Variants in GALNT18 observed in about 807,000 individuals in gnomAD.
GALNT18 encodes the protein GalNAc-transferase 18.
A neutral mutation model predicts 69.5 loss-of-function variants in GALNT18; 44 were observed. The observed-to-expected ratio is 0.63, with a 90% CI of 0.50 to 0.81. The LOEUF (loss-of-function observed/expected upper bound fraction) is 0.81, where lower values mean the gene tolerates loss of function less well. Among genes scored for constraint, GALNT18 ranks in the 40% least tolerant of loss-of-function variants. GALNT18 has a pLI of 0.00. For synonymous variants in GALNT18, 364 were observed against 318.2 expected (o/e 1.14, Z -1.53); for missense variants, 715 against 810.0 (o/e 0.88, Z 1.42).
intron 10 of GALNT18, among the ~76,000 whole-genome samples, chr11:11,282,124 A>T (rs1262090332): frequency 6.6e-6 from 1 of 152,200 alleles, no homozygotes; most frequent in African/African-American, 2.4e-5. Context: ...GGCCACCAGC[A>T]CTGTCTTCCT....
At chr11:11,317,946 C>T (rs1199217917) in intron 9 of GALNT18, among the ~76,000 whole-genome samples, 1 of 152,230 alleles carries the variant, frequency 6.6e-6, no homozygotes, top group Non-Finnish European at 1.5e-5. Context: ...TGACTTCAGG[C>T]AAGTCAATTC....
At chr11:11,407,349 G>C (rs752075848) in intron 3 of GALNT18, among the ~76,000 whole-genome samples, 10 of 152,222 alleles carry the variant, frequency 6.6e-5, no homozygotes, top group Non-Finnish European at 1.5e-4. Context: ...AATCAGATTA[G>C]CAAACATTCC....
Position 11,341,117 on chromosome 11 carries a change from C to T in GALNT18, c.1093-113G>A. On this transcript the variant is annotated intron_variant, in intron 6 of 10. Transcript: ENST00000227756. This position sits in a 1 kb window ranked among gnomAD's most constrained non-coding sequence, Gnocchi z 6.3. Reference sequence around the variant, plus strand: ...AAGAAAGTCAGCCCCTTCACCTTGACTCCCCAGATCACTCTCTGTGAAGGA... The same window carrying T: ...AAGAAAGTCAGCCCCTTCACCTTGATTCCCCAGATCACTCTCTGTGAAGGA... The T allele has an allele frequency of 1.1e-6, 1 of 901,912 alleles. No individual in the cohort carries two copies. Among genetic ancestry groups the T allele is most frequent in the Non-Finnish European group, 1.7e-6 (1 of 595,010 alleles). 55.9% of individuals were successfully genotyped at this position (901,912 alleles called of 1,614,324 possible).
At chr11:11,607,218 C>T (rs11021953) in intron 1 of GALNT18, among the ~76,000 whole-genome samples, 1 of 152,222 alleles carries the variant, frequency 6.6e-6, no homozygotes, top group African/African-American at 2.4e-5. Context: ...CTAAAAACAG[C>T]TGGCTCTTGT....
At chr11:11,342,667 G>A (rs576318806) in intron 6 of GALNT18, among the ~76,000 whole-genome samples, 22 of 152,312 alleles carry the variant, frequency 1.4e-4, no homozygotes, top group African/African-American at 4.8e-4. Flanking sequence ...TCCTCATTGA[G>A]CGTCTCCTAT....
intron 1 of GALNT18, among the ~76,000 whole-genome samples, chr11:11,493,330 T>C (rs1856811040): frequency 6.7e-6 from 1 of 149,604 alleles, no homozygotes; most frequent in African/African-American, 2.5e-5. Context: ...TTTTCCTCTA[T>C]TGGGTGGATC....
chr11:11,483,264 C>A (rs1252263790), intron 1 of GALNT18, among the ~76,000 whole-genome samples: 3 of 152,200 alleles, frequency 2.0e-5, no homozygotes, highest in African/African-American at 7.2e-5. Flanking sequence ...CTAGGGCTCC[C>A]TTCTGGGCAG....
Position 11,435,616 on chromosome 11 carries a change from A to G in GALNT18, c.429-2829T>C, listed in dbSNP as rs1362559581. On this transcript the variant is annotated intron_variant, in intron 2 of 10. Coordinates refer to ENST00000227756, the MANE Select transcript of GALNT18 (RefSeq NM_198516.3). The surrounding 1 kb of genome is among the most constrained non-coding windows in gnomAD (Gnocchi z 4.4). ...TGCTTTTGGACTGTGCTGTCTCCCA[A>G]CCTTGGACCACAGTCTGGCACTTAG... 1.3e-5 allele frequency among the ~76,000 whole-genome samples: 2 copies of G among 152,076 alleles called. No homozygotes were observed. Among genetic ancestry groups the G allele is most frequent in the Non-Finnish European group, 2.9e-5 (2 of 68,018 alleles).
intron 6 of GALNT18, chr11:11,352,625 A>G: frequency 6.2e-7 from 1 of 1,614,166 alleles, no homozygotes; most frequent in African/African-American, 1.3e-5. Flanking sequence ...TGTGCTCATG[A>G]TCAATCATGA....
intron 5 of GALNT18, among the ~76,000 whole-genome samples, chr11:11,373,303 G>A (rs987527938): frequency 6.6e-6 from 1 of 152,126 alleles, no homozygotes; most frequent in Non-Finnish European, 1.5e-5. Context: ...CTGAGTCAGA[G>A]TATCAGGAAC....
Position 11,581,522 on chromosome 11 carries a change from C to T in GALNT18, c.235+39837G>A, listed in dbSNP as rs370760909. Among the ~76,000 whole-genome samples the T allele has an allele frequency of 2.4e-4, 36 of 151,522 alleles. 1 individual carries two copies. In the East Asian group the frequency reaches 6.8e-3, roughly 28 times the overall value. ...ACGCTACAGTGAGACCCCAGCTGAC[C>T]TCCCCTCCTCCTCCCCTGCCCCCTC... On this transcript the variant is annotated intron_variant, in intron 1 of 10. Coordinates refer to ENST00000227756, the MANE Select transcript of GALNT18 (RefSeq NM_198516.3).
At chr11:11,576,698 T>C (rs1317837091) in intron 1 of GALNT18, among the ~76,000 whole-genome samples, 1 of 149,646 alleles carries the variant, frequency 6.7e-6, no homozygotes, top group African/African-American at 2.6e-5. Context: ...GCTGGGCCTG[T>C]TCCCTTAGCC....
chr11:11,345,785 G>T (rs141941450), intron 6 of GALNT18, among the ~76,000 whole-genome samples: 40 of 152,240 alleles, frequency 2.6e-4, no homozygotes, highest in African/African-American at 9.1e-4. Flanking sequence ...CCTGAGAAAT[G>T]AACACCAAGG....
In GALNT18 at chr11:11,432,147, C is replaced by T. The variant is rs181782102; in HGVS notation, c.595+474G>A. Among the ~76,000 whole-genome samples, 494 of 152,292 alleles carry T rather than the reference C, an allele frequency of 3.2e-3. 6 individuals are homozygous for T. The highest frequency in any genetic ancestry group is 2.9e-3 in the South Asian group (14 of 4,824). ...CAAGTCTGTTGCTGTCATTGAGTTACGTGTCCACTGCCATCCCCATCATCA... is the reference window on the plus strand; with the variant it reads ...CAAGTCTGTTGCTGTCATTGAGTTATGTGTCCACTGCCATCCCCATCATCA... On this transcript the variant is annotated intron_variant, in intron 3 of 10. Coordinates refer to ENST00000227756, the MANE Select transcript of GALNT18 (RefSeq NM_198516.3). The surrounding 1 kb of genome is among the most constrained non-coding windows in gnomAD (Gnocchi z 5.8).
chr11:11,613,356 G>A lies in GALNT18; in HGVS notation c.235+8003C>T, dbSNP rs925958187. On this transcript the variant is annotated intron_variant, in intron 1 of 10. Transcript: ENST00000227756. The surrounding 1 kb of genome is among the most constrained non-coding windows in gnomAD (Gnocchi z 4.2). ...CTGTGGAGCAGTTGTGAGGTAATTA[G>A]TGAGTAACAATAATTTAAGTACCAA... 2.0e-5 allele frequency among the ~76,000 whole-genome samples: 3 copies of A among 152,208 alleles called. No homozygotes were observed. The highest frequency in any genetic ancestry group is 7.2e-5 in the African/African-American group (3 of 41,456).
rs1174560695 is a variant in GALNT18, at chr11:11,592,590, A to T, written c.235+28769T>A. ...CTCAAAACAACTTTCAGTTACGAAA[A>T]AGGGTATAAACCGCCATTCCTTCTT... On this transcript the variant is annotated intron_variant, in intron 1 of 10. Transcript: ENST00000227756. The surrounding 1 kb of genome is among the most constrained non-coding windows in gnomAD (Gnocchi z 5.9). 6.6e-6 allele frequency among the ~76,000 whole-genome samples: 1 copy of T among 152,178 alleles called. No individual in the cohort carries two copies. The highest frequency in any genetic ancestry group is 1.9e-4 in the East Asian group (1 of 5,188).
At chr11:11,275,775 T>C (rs1848931063) in intron 10 of GALNT18, among the ~76,000 whole-genome samples, 1 of 152,190 alleles carries the variant, frequency 6.6e-6, no homozygotes, top group South Asian at 2.1e-4. Flanking sequence ...CCCAACACCA[T>C]TTATTAAATA....
intron 3 of GALNT18, among the ~76,000 whole-genome samples, chr11:11,395,078 C>A (rs1372508233): frequency 2.6e-5 from 4 of 152,258 alleles, no homozygotes; most frequent in African/African-American, 4.8e-5. Context: ...CCTGAATATT[C>A]ATTCACTCAT....
rs536847176 is a variant in GALNT18, at chr11:11,385,334, T to C, written c.596-6070A>G. 1.3e-3 allele frequency among the ~76,000 whole-genome samples: 193 copies of C among 151,768 alleles called. 1 individual carries two copies. The highest frequency in any genetic ancestry group is 3.5e-3 in the African/African-American group (145 of 41,368). ...TTTTTGAGACAGAGTCTCGCTCTGT[T>C]GCCCAGGATGGAGTGCAGTGGTGCA... On this transcript the variant is annotated intron_variant, in intron 3 of 10. Transcript: ENST00000227756.
Sources: gnomAD v4.1 joint callset for allele counts (sites outside exome capture counted in the v4.1 genomes callset) on GRCh38, gnomAD v4.1.1 for gene constraint, Gnocchi (gnomAD v3.1) non-coding constraint, MANE v1.5 for transcripts, NCBI Gene and HGNC (gene_info 2026-07-23, HGNC 2026-07-21) for gene names.